The following ZFAND3 variants were observed in gnomAD, a reference collection of about 807,000 sequenced individuals.
ZFAND3 encodes the protein AN1-type zinc finger protein 3.
ZFAND3 carries 10 observed loss-of-function variants against 29.6 expected under a neutral mutation model. That is an observed-to-expected ratio of 0.34 (90% confidence interval 0.21 to 0.57). The LOEUF is 0.57. Ranked by LOEUF, ZFAND3 falls within the 20% of genes least tolerant of loss-of-function variation. ZFAND3 has a pLI of 0.86. For missense variants in ZFAND3, 230 were observed against 304.5 expected (o/e 0.76, Z 1.82); for synonymous variants, 128 against 112.6 (o/e 1.14, Z -0.87).
chr6:38,138,853 G>A lies in ZFAND3; in HGVS notation c.530-13382G>A, dbSNP rs115846614. Reference sequence around the variant, plus strand: ...AAACATGGTACAGTTGAGATTCCTAGCATTATTCTAGTCAGACGTGTTTGT... The same window carrying A: ...AAACATGGTACAGTTGAGATTCCTAACATTATTCTAGTCAGACGTGTTTGT... On this transcript the variant is annotated intron_variant, in intron 5 of 5. Transcript: ENST00000287218. Among the ~76,000 whole-genome samples the A allele has an allele frequency of 4.0e-3, 603 of 152,274 alleles. 2 individuals are homozygous for A. Among genetic ancestry groups the A allele is most frequent in the African/African-American group, 0.014 (577 of 41,544 alleles).
At chr6:37,964,256 C>T (rs1192418438) in intron 2 of ZFAND3, among the ~76,000 whole-genome samples, 1 of 152,124 alleles carries the variant, frequency 6.6e-6, no homozygotes. Flanking sequence ...GTGCATTTAC[C>T]TAGGTTCTGT....
chr6:38,043,681 G>T (rs945639943), intron 2 of ZFAND3, among the ~76,000 whole-genome samples: 8 of 151,562 alleles, frequency 5.3e-5, no homozygotes, highest in Admixed American at 1.3e-4. Flanking sequence ...GCATGACCTT[G>T]GGTCACCACT....
chr6:37,863,870 C>T (rs1764538556), intron 1 of ZFAND3, among the ~76,000 whole-genome samples: 1 of 152,092 alleles, frequency 6.6e-6, no homozygotes, highest in Non-Finnish European at 1.5e-5. Context: ...GGGATTGTGG[C>T]TGGACTAAGT....
At chr6:37,898,104 CT>C (rs2127399735) in intron 1 of ZFAND3, among the ~76,000 whole-genome samples, 1 of 152,286 alleles carries the variant, frequency 6.6e-6, no homozygotes, top group Non-Finnish European at 1.5e-5. Flanking sequence ...TTTAAGATAT[CT>C]TTTCCTATTA....
chr6:37,998,989 T>C (rs1308794414), intron 2 of ZFAND3, among the ~76,000 whole-genome samples: 1 of 152,168 alleles, frequency 6.6e-6, no homozygotes, highest in Non-Finnish European at 1.5e-5. Flanking sequence ...AGCACCTAGA[T>C]CCTGGTTTCT....
chr6:38,140,983 AC>A (rs1367564308), intron 5 of ZFAND3, among the ~76,000 whole-genome samples: 1 of 59,082 alleles, frequency 1.7e-5, no homozygotes, highest in Non-Finnish European at 3.5e-5. Flanking sequence ...GCCCGCCCCC[AC>A]CCCCACCCAC....
chr6:38,070,627 G>A (rs1405579704), intron 3 of ZFAND3, among the ~76,000 whole-genome samples: 1 of 152,026 alleles, frequency 6.6e-6, no homozygotes, highest in Admixed American at 6.6e-5. Context: ...ACTATTATGA[G>A]CCATGTCAAG....
chr6:37,851,082 C>G (rs1764271816), intron 1 of ZFAND3, among the ~76,000 whole-genome samples: 1 of 150,960 alleles, frequency 6.6e-6, no homozygotes, highest in African/African-American at 2.4e-5. Flanking sequence ...GTGTCTCGCA[C>G]TGTCACCCAG....
chr6:37,972,192 G>A (rs1430681135), intron 2 of ZFAND3, among the ~76,000 whole-genome samples: 12 of 152,054 alleles, frequency 7.9e-5, no homozygotes, highest in African/African-American at 2.9e-4. Flanking sequence ...ACCTCACTCA[G>A]CACATTACCC....
At chr6:38,078,403 A>G (rs1764594220) in intron 3 of ZFAND3, among the ~76,000 whole-genome samples, 1 of 152,220 alleles carries the variant, frequency 6.6e-6, no homozygotes, top group African/African-American at 2.4e-5. Context: ...TCTGAATGTA[A>G]TATCAAATGC....
intron 2 of ZFAND3, among the ~76,000 whole-genome samples, chr6:38,011,172 C>T (rs1763145935): frequency 6.6e-6 from 1 of 152,070 alleles, no homozygotes; most frequent in African/African-American, 2.4e-5. Context: ...CATTGCTTTC[C>T]ATTGCATAAA....
At chr6:37,851,386 T>A (rs1764277811) in intron 1 of ZFAND3, among the ~76,000 whole-genome samples, 2 of 152,172 alleles carry the variant, frequency 1.3e-5, no homozygotes, top group Non-Finnish European at 2.9e-5. Flanking sequence ...TCTGTTCATT[T>A]CATTTACCCA....
At chr6:37,823,131 A>G (rs149593073) in intron 1 of ZFAND3, among the ~76,000 whole-genome samples, 1 of 152,244 alleles carries the variant, frequency 6.6e-6, no homozygotes, top group African/African-American at 2.4e-5. Context: ...GTGTGTCTGT[A>G]TGAATGTGAT....
chr6:38,033,573 C>G (rs1306487856), intron 2 of ZFAND3, among the ~76,000 whole-genome samples: 13 of 152,146 alleles, frequency 8.5e-5, no homozygotes. Context: ...AGCAGTAATT[C>G]AGCTGTGTCT....
chr6:38,124,502 G>A (rs564977341), intron 5 of ZFAND3, among the ~76,000 whole-genome samples: 22 of 152,334 alleles, frequency 1.4e-4, no homozygotes, highest in African/African-American at 3.1e-4. Flanking sequence ...GCTAAAGCCC[G>A]GTGAGAAATC....
At chr6:37,903,015 G>A (rs904361757) in intron 1 of ZFAND3, among the ~76,000 whole-genome samples, 5 of 152,110 alleles carry the variant, frequency 3.3e-5, no homozygotes, top group South Asian at 2.1e-4. Flanking sequence ...AGCATGTCAA[G>A]CTGTGTGCAG....
chr6:37,901,050 T>C (rs1451163573), intron 1 of ZFAND3, among the ~76,000 whole-genome samples: 1 of 152,140 alleles, frequency 6.6e-6, no homozygotes, highest in Non-Finnish European at 1.5e-5. Flanking sequence ...ATGCAGTATG[T>C]TTATTGGAAT....
intron 1 of ZFAND3, among the ~76,000 whole-genome samples, chr6:37,924,268 GTGTTTGAC>G (rs67588458): frequency 0.26 from 38,374 of 149,568 alleles, 6,240 homozygotes; most frequent in Non-Finnish European, 0.37. Context: ...CTTCTAGCTG[GTGTTTGAC>G]CTCTACAAAA....
intron 1 of ZFAND3, among the ~76,000 whole-genome samples, chr6:37,856,283 C>T (rs1764381001): frequency 6.6e-6 from 1 of 152,196 alleles, no homozygotes; most frequent in Non-Finnish European, 1.5e-5. Context: ...GCATGAGCCA[C>T]TGTGCCTGGC....
Sources: allele counts gnomAD v4.1 joint callset (sites outside exome capture counted in the v4.1 genomes callset), GRCh38; gene constraint gnomAD v4.1.1; transcripts MANE v1.5; gene names NCBI Gene and HGNC (gene_info 2026-07-23, HGNC 2026-07-21).